PARVA: variants seen among roughly 807,000 people sequenced by gnomAD.
The protein encoded by PARVA is alpha-parvin.
A neutral mutation model predicts 52.6 loss-of-function variants in PARVA; 25 were observed. That is an observed-to-expected ratio of 0.48 (90% CI 0.35 to 0.66). The LOEUF (loss-of-function observed/expected upper bound fraction) is 0.66. PARVA is among the 30% of genes least tolerant of loss of function. The pLI is 0.01. For synonymous variants in PARVA, 185 were observed against 179.1 expected, an observed-to-expected ratio of 1.03 and a Z score of -0.26; for missense variants, 373 against 450.9, an observed-to-expected ratio of 0.83 and a Z score of 1.56.
chr11:12,484,018 T>C (rs1941123872), intron 4 of PARVA, among the ~76,000 whole-genome samples: 2 of 152,206 alleles, frequency 1.3e-5, no homozygotes, highest in Non-Finnish European at 2.9e-5. Context: ...TCCCAGAATA[T>C]ACTCTTACTC....
At chr11:12,445,962 G>A (rs1264210019) in intron 1 of PARVA, among the ~76,000 whole-genome samples, 1 of 151,974 alleles carries the variant, frequency 6.6e-6, no homozygotes, top group East Asian at 1.9e-4. Flanking sequence ...TATCCCAATT[G>A]TTGAGGAAAG....
intron 5 of PARVA, among the ~76,000 whole-genome samples, chr11:12,497,332 T>C (rs1014469457): frequency 2.0e-5 from 3 of 152,198 alleles, no homozygotes; most frequent in African/African-American, 7.2e-5. Context: ...TTTAGATTAA[T>C]AAAAGATTAG....
chr11:12,495,976 A>G (rs1170641905), intron 4 of PARVA, among the ~76,000 whole-genome samples: 4 of 152,238 alleles, frequency 2.6e-5, no homozygotes, highest in East Asian at 1.9e-4. Flanking sequence ...TTGATTAAAT[A>G]TGACACATTA....
At chr11:12,467,890 C>T (rs1471554145) in intron 1 of PARVA, among the ~76,000 whole-genome samples, 1 of 152,172 alleles carries the variant, frequency 6.6e-6, no homozygotes, top group African/African-American at 2.4e-5. Context: ...TGGAACCCCG[C>T]CCTACTTATC....
chr11:12,471,940 T>A (rs966991760), intron 1 of PARVA, among the ~76,000 whole-genome samples: 2 of 152,238 alleles, frequency 1.3e-5, no homozygotes, highest in Non-Finnish European at 2.9e-5. Context: ...TGCTCACTCC[T>A]TGCGTAGCAA....
At chr11:12,389,823 C>G (rs1939631637) in intron 1 of PARVA, among the ~76,000 whole-genome samples, 1 of 152,198 alleles carries the variant, frequency 6.6e-6, no homozygotes. Context: ...ACGTCATTAT[C>G]ACACCTGACA....
chr11:12,489,182 GAA>G (rs985924634), intron 4 of PARVA, among the ~76,000 whole-genome samples: 1 of 144,458 alleles, frequency 6.9e-6, no homozygotes, highest in African/African-American at 2.8e-5. Flanking sequence ...AAAAGAAAAA[GAA>G]AAAAAGTGTT....
At position 12,378,837 on chromosome 11, in the gene PARVA, G is replaced by C. The variant is rs528496012; in HGVS notation, c.136+1054G>C. Reference sequence around the variant, plus strand: ...AATTTGTAAAGATCAAATTGCACAGGAAAGGGGTCCCAGTCCAGACCCCAA... The same window carrying C: ...AATTTGTAAAGATCAAATTGCACAGCAAAGGGGTCCCAGTCCAGACCCCAA... On this transcript the variant is annotated intron_variant, in intron 1 of 12. Coordinates refer to ENST00000334956, the MANE Select transcript of PARVA (RefSeq NM_018222.5). Among the ~76,000 whole-genome samples the C allele has an allele frequency of 2.0e-5, 3 of 152,276 alleles. No homozygotes were observed. In the South Asian group the frequency reaches 6.2e-4, roughly 32 times the overall value.
At position 12,528,013 on chromosome 11, in the gene PARVA, T is replaced by G; in HGVS notation, c.*88T>G. ...CGAACTGCCTTACCCTGCTTATTCC[T>G]GTCTCTTGCACTGTGCTCTCCCACA... On this transcript the variant is annotated 3_prime_UTR_variant, in exon 13 of 13. Coordinates refer to ENST00000334956, the MANE Select transcript of PARVA (RefSeq NM_018222.5). 1 of 912,874 alleles carries G rather than the reference T, an allele frequency of 1.1e-6. No individual in the cohort carries two copies. Among genetic ancestry groups the G allele is most frequent in the Non-Finnish European group, 1.8e-6 (1 of 543,120 alleles). 56.5% of individuals were successfully genotyped at this position (912,874 alleles called of 1,614,324 possible). A position where few individuals can be genotyped will look rare whatever the true frequency, so the allele number is the denominator to read the frequency against.
Position 12,400,887 on chromosome 11 carries a change from C to G in PARVA, c.136+23104C>G, listed in dbSNP as rs1009527848. Among the ~76,000 whole-genome samples the G allele has an allele frequency of 5.3e-5, 8 of 152,178 alleles. 1 individual carries two copies. Among genetic ancestry groups the G allele is most frequent in the Non-Finnish European group, 1.2e-4 (8 of 68,032 alleles). On this transcript the variant is annotated intron_variant, in intron 1 of 12. Coordinates refer to ENST00000334956, the MANE Select transcript of PARVA (RefSeq NM_018222.5). ...GTATTCCCATGTGATCTGTGCTATA[C>G]TAGCAGTGTGGGCAAAGGGAGGCCT... is the stretch of plus-strand genomic sequence containing the variant.
At chr11:12,379,426 T>C (rs2134939239) in intron 1 of PARVA, among the ~76,000 whole-genome samples, 1 of 152,342 alleles carries the variant, frequency 6.6e-6, no homozygotes, top group East Asian at 1.9e-4. Context: ...AAGATTTGTC[T>C]TTTCTCTATG....
chr11:12,525,374 T>C (rs1444855539), intron 12 of PARVA, among the ~76,000 whole-genome samples: 9 of 152,080 alleles, frequency 5.9e-5, no homozygotes, highest in Admixed American at 5.2e-4. Context: ...AGGCCTATCA[T>C]AGTCTGGCTC....
intron 1 of PARVA, among the ~76,000 whole-genome samples, chr11:12,400,721 TG>T (rs149134035): frequency 0.049 from 7,499 of 152,272 alleles, 614 homozygotes; most frequent in African/African-American, 0.17. Flanking sequence ...CATACCAGTT[TG>T]AATTAATTAA....
rs201651833 is a variant in PARVA at position 12,472,375 on chromosome 11, TTC to T, written c.137-1368_137-1367del. On this transcript the variant is annotated intron_variant, in intron 1 of 12. Transcript: ENST00000334956. ...AGCTTTGAAGGTACCCCTTCTGTGT[TTC>T]TGTCATGTTTTATGGAGAATTCTAT... 5.2e-3 allele frequency among the ~76,000 whole-genome samples: 794 copies of T among 152,326 alleles called. 1 individual carries two copies. The highest frequency in any genetic ancestry group is 0.041 in the Middle Eastern group (12 of 294).
At chr11:12,461,599 C>T (rs1010004219) in intron 1 of PARVA, among the ~76,000 whole-genome samples, 31 of 152,212 alleles carry the variant, frequency 2.0e-4, no homozygotes, top group African/African-American at 7.2e-4. Flanking sequence ...TGTTTCAACT[C>T]AAATTGTTTC....
chr11:12,459,407 A>G (rs1044741416), intron 1 of PARVA, among the ~76,000 whole-genome samples: 1 of 152,012 alleles, frequency 6.6e-6, no homozygotes, highest in Non-Finnish European at 1.5e-5. Context: ...CCTGTCTCAA[A>G]AAAAAAAGAA....
chr11:12,402,549 A>ACTTAACC lies in PARVA; in HGVS notation c.136+24767_136+24773dup, dbSNP rs1233575974. Among the ~76,000 whole-genome samples the ACTTAACC allele has an allele frequency of 2.0e-5, 3 of 152,354 alleles. No individual in the cohort carries two copies. The East Asian group carries it at 5.8e-4, about 29-fold the overall frequency. On this transcript the variant is annotated intron_variant, in intron 1 of 12. Transcript: ENST00000334956. ...TGTAACTTTTGGAAAATTGAAAATT[A>ACTTAACC]CTTAACCACATGGTGCCTAAGCTTT...
At chr11:12,484,558 T>C (rs1941133500) in intron 4 of PARVA, among the ~76,000 whole-genome samples, 2 of 150,256 alleles carry the variant, frequency 1.3e-5, no homozygotes, top group Non-Finnish European at 3.0e-5. Context: ...TGGTTTTCTT[T>C]TTCCCTGATA....
At chr11:12,416,205 C>T (rs143811966) in intron 1 of PARVA, among the ~76,000 whole-genome samples, 7 of 152,288 alleles carry the variant, frequency 4.6e-5, no homozygotes, top group African/African-American at 1.7e-4. Flanking sequence ...CTTTGTCACC[C>T]GTTAGCAGGC....
Sources: gnomAD v4.1 joint callset for allele counts (sites outside exome capture counted in the v4.1 genomes callset) on GRCh38, gnomAD v4.1.1 for gene constraint, MANE v1.5 for transcripts, NCBI Gene and HGNC (gene_info 2026-07-23, HGNC 2026-07-21) for gene names.